SV2B: variants seen among roughly 807,000 people sequenced by gnomAD.
The protein encoded by SV2B is synaptic vesicle glycoprotein 2B.
Under a neutral mutation model 73.9 loss-of-function variants are expected in SV2B, and 41 were observed. That is an observed-to-expected ratio of 0.56 (90% CI 0.43 to 0.72). The LOEUF (loss-of-function observed/expected upper bound fraction) is 0.72, where lower values mean the gene tolerates loss of function less well. SV2B is among the 30% of genes least tolerant of loss of function. The pLI is 0.00. For missense variants in SV2B, 764 were observed against 857.8 expected (o/e 0.89, Z 1.37); for synonymous variants, 314 against 314.2 (o/e 1.00, Z 0.01).
At chr15:91,133,469 T>A (rs2042719416) in intron 1 of SV2B, among the ~76,000 whole-genome samples, 1 of 152,098 alleles carries the variant, frequency 6.6e-6, no homozygotes, top group Non-Finnish European at 1.5e-5. Context: ...TGATAGTCTA[T>A]TTTGGAGGGA....
At chr15:91,168,703 T>A (rs1391794674) in intron 1 of SV2B, among the ~76,000 whole-genome samples, 6 of 152,200 alleles carry the variant, frequency 3.9e-5, no homozygotes. Context: ...GTATTGGTTG[T>A]TCTTTGAGTT....
At position 91,300,365 on chromosome 15, in the gene SV2B, T is replaced by G. The variant is rs769097224; in HGVS notation, c.*7813T>G. ...TTTTTTGTTGTTACTTCTCTGTTCT[T>G]GATGTAATGAGTTAAGTAGATGAAA... On this transcript the variant is annotated 3_prime_UTR_variant, in exon 13 of 13. Transcript: ENST00000394232. The G allele has an allele frequency of 1.3e-5, 2 of 152,182 alleles. No homozygotes were observed. The highest frequency in any genetic ancestry group is 1.5e-5 in the Non-Finnish European group (1 of 68,024). 9.4% of individuals were successfully genotyped at this position (152,182 alleles called of 1,614,324 possible). A position where few individuals can be genotyped will look rare whatever the true frequency, so the allele number is the denominator to read the frequency against.
At position 91,299,284 on chromosome 15, in the gene SV2B, T is replaced by C. The variant is rs1355412195; in HGVS notation, c.*6732T>C. 6.6e-6 allele frequency: 1 copy of C among 152,158 alleles called. No homozygotes were observed. Among genetic ancestry groups the C allele is most frequent in the Non-Finnish European group, 1.5e-5 (1 of 68,036 alleles). The allele number at this position is 152,158 out of a possible 1,614,324, so 9.4% of individuals were successfully genotyped here. ...AATTGATGAGCAAATTACAAATGAC[T>C]GTTTTTTATTAAAACATTCCTCCAA... On this transcript the variant is annotated 3_prime_UTR_variant, in exon 13 of 13. Coordinates refer to ENST00000394232, the MANE Select transcript of SV2B (RefSeq NM_001323032.3).
intron 1 of SV2B, among the ~76,000 whole-genome samples, chr15:91,116,796 G>A (rs1468127764): frequency 1.3e-5 from 2 of 152,204 alleles, no homozygotes; most frequent in Non-Finnish European, 1.5e-5. Context: ...TGGATTCACA[G>A]TTCCATGTGG....
rs1054320260 is a variant in SV2B at position 91,241,435 on chromosome 15, C to A, written c.452-10384C>A. On this transcript the variant is annotated intron_variant, in intron 2 of 12. Coordinates refer to ENST00000394232, the MANE Select transcript of SV2B (RefSeq NM_001323032.3). This position sits in a 1 kb window ranked among gnomAD's most constrained non-coding sequence, Gnocchi z 4.8. ...TCACTAAATTGATGATGCAGAGCCTCCAGAGGATCCTTTGTGCTGCCAGCC... is the reference window on the plus strand; with the variant it reads ...TCACTAAATTGATGATGCAGAGCCTACAGAGGATCCTTTGTGCTGCCAGCC... Among the ~76,000 whole-genome samples, 2 of 152,304 alleles carry A rather than the reference C, an allele frequency of 1.3e-5. No individual in the cohort carries two copies. The highest frequency in any genetic ancestry group is 2.9e-5 in the Non-Finnish European group (2 of 68,034).
chr15:91,165,285 C>T (rs997017941), intron 1 of SV2B, among the ~76,000 whole-genome samples: 4 of 152,198 alleles, frequency 2.6e-5, no homozygotes, highest in South Asian at 2.1e-4. Flanking sequence ...GAGCCGAGAT[C>T]GCATCATTGC....
intron 1 of SV2B, among the ~76,000 whole-genome samples, chr15:91,208,138 G>A (rs960606936): frequency 9.2e-5 from 14 of 152,142 alleles, no homozygotes; most frequent in African/African-American, 2.9e-4. Context: ...AGTCTCACCC[G>A]CGTCTGTGAT....
chr15:91,179,697 C>G (rs2044470209), intron 1 of SV2B, among the ~76,000 whole-genome samples: 1 of 152,184 alleles, frequency 6.6e-6, no homozygotes, highest in Admixed American at 6.5e-5. Flanking sequence ...TCTGTTTTAT[C>G]AGAGACTAAG....
chr15:91,119,129 G>T (rs2042257300), intron 1 of SV2B, among the ~76,000 whole-genome samples: 1 of 152,174 alleles, frequency 6.6e-6, no homozygotes, highest in African/African-American at 2.4e-5. Flanking sequence ...TGCTGGCAGG[G>T]AGCATATCTT....
chr15:91,125,987 G>T (rs1196766986), intron 1 of SV2B, among the ~76,000 whole-genome samples: 1 of 151,984 alleles, frequency 6.6e-6, no homozygotes, highest in African/African-American at 2.4e-5. Context: ...TTTTGGCTGG[G>T]TGTGTGTTCT....
At position 91,252,366 on chromosome 15, in the gene SV2B, C is replaced by T. The variant is rs574807590; in HGVS notation, c.633-3C>T. The stretch of plus-strand genomic sequence containing the variant: ...CTTTCTCTCTGGCATTTTTCCTTTG[C>T]AGTATTGGGGGTGCTCTACCGATTG... On this transcript the variant is annotated splice_region_variant and splice_polypyrimidine_tract_variant and intron_variant, in intron 3 of 12. Coordinates refer to ENST00000394232, the MANE Select transcript of SV2B (RefSeq NM_001323032.3). The surrounding 1 kb of genome is among the most constrained non-coding windows in gnomAD (Gnocchi z 4.6). The T allele has an allele frequency of 5.0e-6, 8 of 1,597,608 alleles. 1 individual carries two copies. The South Asian group carries it at 7.9e-5, about 16-fold the overall frequency.
intron 1 of SV2B, among the ~76,000 whole-genome samples, chr15:91,175,819 G>A (rs531447429): frequency 5.1e-4 from 77 of 151,628 alleles, no homozygotes; most frequent in African/African-American, 1.7e-3. Context: ...GGTTTGAAGA[G>A]ACCAGATGCC....
chr15:91,267,791 C>A lies in SV2B; in HGVS notation c.1208+148C>A. The A allele has an allele frequency of 4.7e-6, 3 of 635,882 alleles. No individual in the cohort carries two copies. The highest frequency in any genetic ancestry group is 8.3e-6 in the Non-Finnish European group (3 of 359,678). 39.4% of individuals were successfully genotyped at this position (635,882 alleles called of 1,614,324 possible). A position where few individuals can be genotyped will look rare whatever the true frequency, so the allele number is the denominator to read the frequency against. ...AGCAGAAAACCAACTCTAGTGGCTT[C>A]TACAAAGAAGAAACTTTTTTTTTTT... On this transcript the variant is annotated intron_variant, in intron 8 of 12. Coordinates refer to ENST00000394232, the MANE Select transcript of SV2B (RefSeq NM_001323032.3). The surrounding 1 kb of genome is among the most constrained non-coding windows in gnomAD (Gnocchi z 4.3).
chr15:91,123,480 G>A lies in SV2B; in HGVS notation c.-392+23117G>A, dbSNP rs2042394097. 6.6e-6 allele frequency among the ~76,000 whole-genome samples: 1 copy of A among 152,186 alleles called. No homozygotes were observed. The highest frequency in any genetic ancestry group is 1.5e-5 in the Non-Finnish European group (1 of 68,040). On this transcript the variant is annotated intron_variant, in intron 1 of 12. Transcript: ENST00000394232. This position sits in a 1 kb window ranked among gnomAD's most constrained non-coding sequence, Gnocchi z 4.7. ...GAAATAAGAGCTTGAGGAAGATACAGTGTAGGTAGGCCATAAAACCACAGA... is the reference window on the plus strand; with the variant it reads ...GAAATAAGAGCTTGAGGAAGATACAATGTAGGTAGGCCATAAAACCACAGA...
At position 91,258,475 on chromosome 15, in the gene SV2B, T is replaced by C. The variant is rs1273914321; in HGVS notation, c.839T>C (p.Val280Ala). The part of the protein sequence containing the change: ...NYHFHSWRVF[V>A]IVCALPCTVS... ...CACTTCCATAGCTGGAGAGTGTTTG[T>C]CATCGTCTGTGCTCTGCCCTGCACC... The change falls in exon 5 of 13, where the codon GTC becomes GCC. Residue 280 changes from valine to alanine, a missense_variant. Coordinates refer to ENST00000394232, the MANE Select transcript of SV2B (RefSeq NM_001323032.3). This position sits in a 1 kb window ranked among gnomAD's most constrained non-coding sequence, Gnocchi z 4.7. 6.2e-7 allele frequency: 1 copy of C among 1,614,140 alleles called. No individual in the cohort carries two copies. Among genetic ancestry groups the C allele is most frequent in the South Asian group, 1.1e-5 (1 of 91,056 alleles).
At position 91,121,368 on chromosome 15, in the gene SV2B, A is replaced by T. The variant is rs540369441; in HGVS notation, c.-392+21005A>T. On this transcript the variant is annotated intron_variant, in intron 1 of 12. Transcript: ENST00000394232. This position sits in a 1 kb window ranked among gnomAD's most constrained non-coding sequence, Gnocchi z 4.4. ...TCTCTAGGGATGGGAGTATAAATTG[A>T]ATTTTTTAAAAATAAGCTGCCCAAT... Among the ~76,000 whole-genome samples the T allele has an allele frequency of 6.6e-6, 1 of 152,242 alleles. No homozygotes were observed. The highest frequency in any genetic ancestry group is 2.4e-5 in the African/African-American group (1 of 41,530).
chr15:91,159,884 A>G (rs1414360411), intron 1 of SV2B, among the ~76,000 whole-genome samples: 1 of 152,192 alleles, frequency 6.6e-6, no homozygotes, highest in Non-Finnish European at 1.5e-5. Flanking sequence ...CTAATTAGAA[A>G]ATTTGTCTGG....
chr15:91,286,907 G>A (rs543248713), intron 11 of SV2B, among the ~76,000 whole-genome samples: 1 of 152,156 alleles, frequency 6.6e-6, no homozygotes, highest in South Asian at 2.1e-4. Flanking sequence ...AGAGTTGAAG[G>A]ATCAGGGAAG....
rs1011427672 is a variant in SV2B at position 91,290,757 on chromosome 15, A to G, written c.1868+1077A>G. On this transcript the variant is annotated intron_variant, in intron 12 of 12. Coordinates refer to ENST00000394232, the MANE Select transcript of SV2B (RefSeq NM_001323032.3). This position sits in a 1 kb window ranked among gnomAD's most constrained non-coding sequence, Gnocchi z 4.7. ...CATAAGAGAAGATAAATATATGCCA[A>G]CTCAGTGATTTGGGAGGCCGAGGCA... Among the ~76,000 whole-genome samples the G allele has an allele frequency of 6.6e-6, 1 of 152,158 alleles. No homozygotes were observed. The highest frequency in any genetic ancestry group is 2.4e-5 in the African/African-American group (1 of 41,432).
Sources: allele counts gnomAD v4.1 joint callset (sites outside exome capture counted in the v4.1 genomes callset), GRCh38; gene constraint gnomAD v4.1.1; non-coding constraint Gnocchi (gnomAD v3.1); transcripts MANE v1.5; gene names NCBI Gene and HGNC (gene_info 2026-07-23, HGNC 2026-07-21).